The following RABGAP1L variants were observed in gnomAD, a reference collection of about 807,000 sequenced individuals.
The protein encoded by RABGAP1L is rab GTPase-activating protein 1-like.
A neutral mutation model predicts 137.7 loss-of-function variants in RABGAP1L; 63 were observed. The observed-to-expected ratio is 0.46, with a 90% CI of 0.37 to 0.56. RABGAP1L has a LOEUF of 0.56. RABGAP1L is among the 20% of genes least tolerant of loss of function. The pLI is 0.00. For synonymous variants in RABGAP1L, 431 were observed against 433.7 expected (o/e 0.99, Z 0.08); for missense variants, 1,095 against 1,244.0 (o/e 0.88, Z 1.80).
intron 10 of RABGAP1L, among the ~76,000 whole-genome samples, chr1:174,288,563 G>A (rs1479455369): frequency 6.6e-6 from 1 of 152,106 alleles, no homozygotes; most frequent in Admixed American, 6.5e-5. Flanking sequence ...ATCTGCTGAG[G>A]AATCCACTTA....
At chr1:174,180,622 G>A (rs986383395) in intron 1 of RABGAP1L, among the ~76,000 whole-genome samples, 34 of 151,940 alleles carry the variant, frequency 2.2e-4, no homozygotes, top group Non-Finnish European at 1.0e-4. Flanking sequence ...ATGCCACCAC[G>A]CCTGGCTAAT....
chr1:174,678,781 A>G (rs893375026), intron 14 of RABGAP1L, among the ~76,000 whole-genome samples: 4 of 152,136 alleles, frequency 2.6e-5, no homozygotes, highest in African/African-American at 9.7e-5. Flanking sequence ...GCTCCATTAG[A>G]ATGAACCCCA....
At chr1:174,951,208 T>A (rs530104328) in intron 19 of RABGAP1L, among the ~76,000 whole-genome samples, 1 of 152,332 alleles carries the variant, frequency 6.6e-6, no homozygotes, top group East Asian at 1.9e-4. Context: ...AGACACATAT[T>A]TGGCACTACG....
At chr1:174,462,528 C>T (rs1365181941) in intron 13 of RABGAP1L, among the ~76,000 whole-genome samples, 1 of 152,028 alleles carries the variant, frequency 6.6e-6, no homozygotes, top group Non-Finnish European at 1.5e-5. Context: ...ATGTGATATA[C>T]ATTTTTTTTC....
At chr1:174,225,018 C>G (rs1268057966) in intron 3 of RABGAP1L, among the ~76,000 whole-genome samples, 1 of 151,436 alleles carries the variant, frequency 6.6e-6, no homozygotes, top group East Asian at 1.9e-4. Flanking sequence ...CCCATTATTT[C>G]TTGGTAATTG....
chr1:174,800,854 A>C lies in RABGAP1L; in HGVS notation c.2212-10978A>C, dbSNP rs550940861. On this transcript the variant is annotated intron_variant, in intron 18 of 25. Coordinates refer to ENST00000681986, the MANE Select transcript of RABGAP1L (RefSeq NM_001366446.1). ...CTGTTATGTATATCTCCAAAGGGTT[A>C]AATTTTACAACAGACATAGCAACTT... 4.6e-5 allele frequency among the ~76,000 whole-genome samples: 7 copies of C among 152,338 alleles called. No homozygotes were observed. In the South Asian group the frequency reaches 1.0e-3, roughly 23 times the overall value.
At chr1:174,366,521 G>C (rs1279952064) in intron 11 of RABGAP1L, among the ~76,000 whole-genome samples, 2 of 151,962 alleles carry the variant, frequency 1.3e-5, no homozygotes, top group Non-Finnish European at 2.9e-5. Context: ...TGTAATCCCA[G>C]CACTTTGGGA....
rs187450717 is a variant in RABGAP1L at position 174,574,587 on chromosome 1, A to T, written c.1711-62788A>T. ...AAGAATATGCCCATATTTAAATTGT[A>T]CAAGTTTTGTTTTTCTGTGAGTACA... On this transcript the variant is annotated intron_variant, in intron 13 of 25. Transcript: ENST00000681986. Among the ~76,000 whole-genome samples, 102 of 152,296 alleles carry T rather than the reference A, an allele frequency of 6.7e-4. 1 individual carries two copies. The highest frequency in any genetic ancestry group is 2.3e-3 in the African/African-American group (94 of 41,562).
chr1:174,391,910 A>G (rs895523070), intron 12 of RABGAP1L, among the ~76,000 whole-genome samples: 4 of 152,142 alleles, frequency 2.6e-5, no homozygotes, highest in African/African-American at 4.8e-5. Context: ...CCCTTAACCC[A>G]TATGTTTTTC....
intron 14 of RABGAP1L, among the ~76,000 whole-genome samples, chr1:174,682,788 G>A (rs1432789295): frequency 1.3e-5 from 2 of 152,214 alleles, no homozygotes; most frequent in African/African-American, 4.8e-5. Context: ...AAGGAATGCT[G>A]TATTTCTTAC....
chr1:174,331,707 A>G (rs556670498), intron 11 of RABGAP1L, among the ~76,000 whole-genome samples: 14 of 152,304 alleles, frequency 9.2e-5, no homozygotes, highest in Non-Finnish European at 1.9e-4. Flanking sequence ...TTTAAGTTTT[A>G]GGGTACACGT....
chr1:174,858,005 T>C (rs1275154644), intron 19 of RABGAP1L, among the ~76,000 whole-genome samples: 2 of 152,150 alleles, frequency 1.3e-5, no homozygotes, highest in Non-Finnish European at 2.9e-5. Context: ...TTTTATTTTA[T>C]TGTTTTATTG....
intron 19 of RABGAP1L, among the ~76,000 whole-genome samples, chr1:174,910,670 C>T (rs967052823): frequency 6.6e-6 from 1 of 152,180 alleles, no homozygotes; most frequent in Admixed American, 6.5e-5. Flanking sequence ...CCTAAAGACA[C>T]CACCACAAAA....
chr1:174,598,345 AAAT>A lies in RABGAP1L; in HGVS notation c.1711-39029_1711-39027del, dbSNP rs200225494. Among the ~76,000 whole-genome samples, 361 of 148,938 alleles carry A rather than the reference AAAT, an allele frequency of 2.4e-3. 7 individuals are homozygous for A. The highest frequency in any genetic ancestry group is 3.9e-3 in the African/African-American group (155 of 39,594). On this transcript the variant is annotated intron_variant, in intron 13 of 25. Transcript: ENST00000681986. ...CTGTCTCAAAAAAAAAAAAAAAAAA[AAAT>A]GGTCTGTCTTTGAGATCTATGCACT... is the stretch of plus-strand genomic sequence containing the variant.
chr1:174,833,815 A>G (rs1449059580), intron 19 of RABGAP1L, among the ~76,000 whole-genome samples: 1 of 152,124 alleles, frequency 6.6e-6, no homozygotes, highest in Non-Finnish European at 1.5e-5. Context: ...TAAATGTTAC[A>G]AAAGGAAACA....
At chr1:174,972,095 AAAAAAGGTGCAAC>A (rs1670186022) in intron 21 of RABGAP1L, among the ~76,000 whole-genome samples, 2 of 152,178 alleles carry the variant, frequency 1.3e-5, no homozygotes, top group African/African-American at 4.8e-5. Flanking sequence ...TTAGAAGTGA[AAAAAAGGTGCAAC>A]ATCTCCATTT....
At chr1:174,303,225 C>G (rs1416764336) in intron 10 of RABGAP1L, among the ~76,000 whole-genome samples, 1 of 151,356 alleles carries the variant, frequency 6.6e-6, no homozygotes, top group African/African-American at 2.4e-5. Flanking sequence ...AATAACAGGT[C>G]TTGTAGGCAA....
intron 19 of RABGAP1L, among the ~76,000 whole-genome samples, chr1:174,877,020 T>A (rs1653231389): frequency 6.6e-6 from 1 of 152,124 alleles, no homozygotes; most frequent in South Asian, 2.1e-4. Flanking sequence ...CTAAGAAAAT[T>A]TACTTCTTCT....
rs1558021529 is a variant in RABGAP1L at position 174,195,703 on chromosome 1, TC to T, written c.-33-23420del. 7.4e-3 allele frequency among the ~76,000 whole-genome samples: 832 copies of T among 112,610 alleles called. 25 individuals carry two copies. The highest frequency in any genetic ancestry group is 0.033 in the African/African-American group (799 of 24,344). 73.9% of individuals were successfully genotyped at this position (112,610 alleles called of 152,430 possible). On this transcript the variant is annotated intron_variant, in intron 1 of 25. Transcript: ENST00000681986. ...TTCCTTCTTTCCTTCTTTCCTTCTT[TC>T]CTTCTTTCTTTTCTTTCTTTTCTTT...
Sources: gnomAD v4.1 joint callset for allele counts (sites outside exome capture counted in the v4.1 genomes callset) on GRCh38, gnomAD v4.1.1 for gene constraint, MANE v1.5 for transcripts, NCBI Gene and HGNC (gene_info 2026-07-23, HGNC 2026-07-21) for gene names.